The following TTC39B variants were observed in gnomAD, a reference collection of about 807,000 sequenced individuals.
TTC39B encodes the protein tetratricopeptide repeat protein 39B.
TTC39B carries 92 observed loss-of-function variants against 96.6 expected under a neutral mutation model. That is an observed-to-expected ratio of 0.95 (90% CI 0.80 to 1.13). The LOEUF is 1.13. TTC39B is among the 50% of genes most tolerant of loss of function. The probability of loss-of-function intolerance (pLI) is 0.00; values close to 1 mark genes in which losing one functional copy is unlikely to be tolerated. For synonymous variants in TTC39B, 367 were observed against 299.4 expected (o/e 1.23, Z -2.33); for missense variants, 955 against 809.3 (o/e 1.18, Z -2.18).
chr9:15,189,414 C>A (rs1375806751), intron 13 of TTC39B, among the ~76,000 whole-genome samples, 160 bp downstream of exon 13: 2 of 151,214 alleles, frequency 1.3e-5, no homozygotes, highest in Non-Finnish European at 2.9e-5. Context: ...AATGTATATA[C>A]AAGTTAAAAG....
chr9:15,226,034 C>A (rs150594316), intron 2 of TTC39B, 22 bp from the exon 3 acceptor site: 1 of 1,608,480 alleles, frequency 6.2e-7, no homozygotes, highest in Admixed American at 1.7e-5. Flanking sequence ...AAAGGCAGAG[C>A]AAGGTTTTTT....
intron 3 of TTC39B, among the ~76,000 whole-genome samples, chr9:15,217,700 T>C (rs1820600175): frequency 6.6e-6 from 1 of 152,184 alleles, no homozygotes; most frequent in African/African-American, 2.4e-5. Context: ...GCCTTCCTAC[T>C]ACTGCTTTGA....
At chr9:15,177,673 G>A in intron 18 of TTC39B, 24 bp downstream of exon 18, 1 of 1,514,064 alleles carries the variant, frequency 6.6e-7, no homozygotes, top group South Asian at 1.2e-5. Context: ...TTGCACTTGG[G>A]CTGGTTTTAT....
chr9:15,303,965 T>G (rs778489192), intron 1 of TTC39B, among the ~76,000 whole-genome samples: 3 of 152,236 alleles, frequency 2.0e-5, no homozygotes. Context: ...CTTAATTAGC[T>G]GCTAGATATT....
At chr9:15,189,358 A>C (rs142274218) in intron 13 of TTC39B, among the ~76,000 whole-genome samples, 1 of 152,336 alleles carries the variant, frequency 6.6e-6, no homozygotes, top group Non-Finnish European at 1.5e-5. Context: ...CTATGTATAA[A>C]TGTAGACTAT....
intron 1 of TTC39B, among the ~76,000 whole-genome samples, chr9:15,291,898 C>A (rs1158784501): frequency 1.3e-5 from 2 of 152,168 alleles, no homozygotes; most frequent in African/African-American, 2.4e-5. Context: ...TGCCAATGTG[C>A]CTTTGATCAA....
At chr9:15,265,098 G>T (rs1247242954) in intron 2 of TTC39B, among the ~76,000 whole-genome samples, 1 of 152,188 alleles carries the variant, frequency 6.6e-6, no homozygotes, top group Admixed American at 6.5e-5. Flanking sequence ...TAGTGGGCTA[G>T]CAATTTTAGG....
intron 2 of TTC39B, among the ~76,000 whole-genome samples, chr9:15,255,965 A>G (rs1436123794): frequency 6.6e-6 from 1 of 152,146 alleles, no homozygotes; most frequent in African/African-American, 2.4e-5. Flanking sequence ...TGCAAATCCT[A>G]GCAGTCTACT....
intron 14 of TTC39B, among the ~76,000 whole-genome samples, chr9:15,187,610 C>G (rs1588862964): frequency 6.6e-6 from 1 of 152,206 alleles, no homozygotes; most frequent in East Asian, 1.9e-4. Context: ...TAGACATGTA[C>G]CACCATGCCT....
intron 8 of TTC39B, among the ~76,000 whole-genome samples, chr9:15,198,807 T>C (rs975039745): frequency 3.3e-4 from 50 of 152,166 alleles, no homozygotes; most frequent in African/African-American, 1.2e-3. Context: ...TATTTAAAAA[T>C]ACAATTTAAA....
At chr9:15,187,989 T>C in exon 14 of TTC39B, 1 of 1,597,740 alleles carries the variant, frequency 6.3e-7, no homozygotes, top group Non-Finnish European at 8.5e-7. Flanking sequence ...ATTTACTCTC[T>C]TTGCAAAGCA....
exon 20 of TTC39B, chr9:15,169,932 G>T (rs1427475908): frequency 6.6e-6 from 1 of 152,098 alleles, no homozygotes; most frequent in Non-Finnish European, 1.5e-5. Flanking sequence ...GCTTCTCACA[G>T]TAACAATGTA....
At chr9:15,237,040 C>T (rs1821814961) in intron 2 of TTC39B, among the ~76,000 whole-genome samples, 1 of 151,514 alleles carries the variant, frequency 6.6e-6, no homozygotes, top group Admixed American at 6.6e-5. Flanking sequence ...ACTGGCTGGG[C>T]ACAGTGGCTC....
chr9:15,253,436 G>T (rs1822637537), intron 2 of TTC39B, among the ~76,000 whole-genome samples: 1 of 152,216 alleles, frequency 6.6e-6, no homozygotes, highest in South Asian at 2.1e-4. Flanking sequence ...CAAGGAAATG[G>T]ATTCTCCTCT....
At chr9:15,242,356 C>T (rs147820665) in intron 2 of TTC39B, among the ~76,000 whole-genome samples, 3 of 152,002 alleles carry the variant, frequency 2.0e-5, no homozygotes, top group African/African-American at 7.3e-5. Flanking sequence ...CCAAGGCAGG[C>T]GGATCACTTG....
chr9:15,167,886 T>C (rs1301127496), exon 20 of TTC39B: 1 of 152,162 alleles, frequency 6.6e-6, no homozygotes, highest in South Asian at 2.1e-4. Context: ...AAAAATAAAA[T>C]TTCTTAATCT....
At chr9:15,198,823 AAAC>A (rs1388771982) in intron 8 of TTC39B, among the ~76,000 whole-genome samples, 5 of 152,188 alleles carry the variant, frequency 3.3e-5, no homozygotes, top group African/African-American at 1.2e-4. Context: ...TTAAATATGA[AAAC>A]AAAAATAGGT....
In TTC39B at chr9:15,201,065, C is replaced by A. The variant is rs150751540; in HGVS notation, c.760-1140G>T. 1.8e-3 allele frequency among the ~76,000 whole-genome samples: 276 copies of A among 152,202 alleles called. 2 individuals are homozygous for A. Among genetic ancestry groups the A allele is most frequent in the African/African-American group, 6.0e-3 (250 of 41,534 alleles). ...ATGTATTTCTCGTGTACTTAAGCATCCTTCTGTAGCAAAAGAAAAACTGAA... is the reference window on the plus strand; with the variant it reads ...ATGTATTTCTCGTGTACTTAAGCATACTTCTGTAGCAAAAGAAAAACTGAA... On this transcript the variant is annotated intron_variant, in intron 7 of 19. Transcript: ENST00000512701.
chr9:15,307,051 G>T, intron 1 of TTC39B, 33 bp downstream of exon 1: 1 of 1,604,094 alleles, frequency 6.2e-7, no homozygotes, highest in Non-Finnish European at 8.5e-7. Context: ...CAGGGCTTCA[G>T]GGGCCGGGCC....
Sources: allele counts gnomAD v4.1 joint callset (sites outside exome capture counted in the v4.1 genomes callset), GRCh38; gene constraint gnomAD v4.1.1; transcripts MANE v1.5; gene names NCBI Gene and HGNC (gene_info 2026-07-23, HGNC 2026-07-21).